PLEKHO2: variants seen among roughly 807,000 people sequenced by gnomAD.
PLEKHO2 encodes the protein pleckstrin homology domain containing O2.
In PLEKHO2, 20 loss-of-function variants were observed where a neutral mutation model predicts 32.7. The observed-to-expected ratio is 0.61, with a 90% CI of 0.43 to 0.89. The LOEUF is 0.89. Ranked by LOEUF, PLEKHO2 falls within the 40% of genes least tolerant of loss-of-function variation. PLEKHO2 has a pLI of 0.00. For missense variants in PLEKHO2, 568 were observed against 621.2 expected, an observed-to-expected ratio of 0.91 and a Z score of 0.91; for synonymous variants, 247 against 246.3, an observed-to-expected ratio of 1.00 and a Z score of -0.03.
intron 2 of PLEKHO2, among the ~76,000 whole-genome samples, chr15:64,851,110 C>G (rs78791842): frequency 6.6e-6 from 1 of 152,164 alleles, no homozygotes; most frequent in South Asian, 2.1e-4. Flanking sequence ...GTTGCTGGCT[C>G]GTGGAGTTTG....
At chr15:64,856,217 G>A (rs2084605337) in intron 3 of PLEKHO2, among the ~76,000 whole-genome samples, 2 of 152,172 alleles carry the variant, frequency 1.3e-5, no homozygotes, top group Admixed American at 6.5e-5. Context: ...ACCCTGTCCT[G>A]GAGACCCACT....
At chr15:64,860,047 T>C in intron 4 of PLEKHO2, 49 bp downstream of exon 4, 3 of 1,537,898 alleles carry the variant, frequency 2.0e-6, no homozygotes, top group Non-Finnish European at 1.8e-6. Context: ...CCTTTCCCAC[T>C]GCGTGTGATC....
At chr15:64,849,893 G>C (rs1344984240) in intron 2 of PLEKHO2, among the ~76,000 whole-genome samples, 1 of 151,358 alleles carries the variant, frequency 6.6e-6, no homozygotes, top group Non-Finnish European at 1.5e-5. Context: ...GGTTGTAGTG[G>C]CTTACACCTA....
chr15:64,849,122 G>A (rs184520233), intron 2 of PLEKHO2, among the ~76,000 whole-genome samples: 64 of 151,826 alleles, frequency 4.2e-4, no homozygotes, highest in African/African-American at 1.4e-3. Flanking sequence ...TGGGACTATA[G>A]GCATGCATGC....
rs2084682946 is a variant in PLEKHO2, at chr15:64,865,909, C to T, written c.*21C>T. On this transcript the variant is annotated 3_prime_UTR_variant, in exon 6 of 6. Transcript: ENST00000323544. ...CCTAGGGCCTTCTGGGCCAGAGGCA[C>T]CATCCCTTCTGGCCATCCATCAAGT... The T allele has an allele frequency of 6.3e-7, 1 of 1,585,184 alleles. No homozygotes were observed. Among genetic ancestry groups the T allele is most frequent in the Non-Finnish European group, 8.6e-7 (1 of 1,169,482 alleles).
intron 1 of PLEKHO2, among the ~76,000 whole-genome samples, chr15:64,842,378 C>G (rs2084490818): frequency 4.4e-5 from 1 of 22,632 alleles, no homozygotes; most frequent in African/African-American, 8.7e-5. Flanking sequence ...GATCCTGACT[C>G]TCTCTCTCTC....
intron 2 of PLEKHO2, among the ~76,000 whole-genome samples, chr15:64,849,367 C>T (rs923975464): frequency 2.6e-5 from 4 of 151,918 alleles, no homozygotes; most frequent in African/African-American, 9.7e-5. Context: ...AGGAGAGTCT[C>T]AATCTCTTGA....
chr15:64,844,935 T>C (rs1314977037), intron 1 of PLEKHO2, among the ~76,000 whole-genome samples: 1 of 152,202 alleles, frequency 6.6e-6, no homozygotes, highest in Non-Finnish European at 1.5e-5. Context: ...AGGGGACTTA[T>C]CTTATACAGC....
rs2084699354 is a variant in PLEKHO2, at chr15:64,867,684, G to C, written c.*1796G>C. On this transcript the variant is annotated 3_prime_UTR_variant, in exon 6 of 6. Coordinates refer to ENST00000323544, the MANE Select transcript of PLEKHO2 (RefSeq NM_025201.5). ...AACTGCAGCAGCTGGACTGAGGGCA[G>C]AGTCTGTGGGTGCAGAGACCCTGCA... The C allele has an allele frequency of 1.3e-5, 2 of 152,296 alleles. No individual in the cohort carries two copies. Among genetic ancestry groups the C allele is most frequent in the African/African-American group, 2.4e-5 (1 of 41,442 alleles). 9.4% of individuals were successfully genotyped at this position (152,296 alleles called of 1,614,324 possible).
At position 64,859,906 on chromosome 15, in the gene PLEKHO2, A is replaced by C; in HGVS notation, c.292A>C (p.Lys98Gln). ...RSPGNKVSDI[K>Q]FQAPTGEEKE... ...ATCTTGCCCACAGGTCAGCGACATCAAATTCCAGGCACCCACCGGGGAGGA... is the reference window on the plus strand; with the variant it reads ...ATCTTGCCCACAGGTCAGCGACATCCAATTCCAGGCACCCACCGGGGAGGA... The change falls in exon 4 of 6, where the codon AAA becomes CAA. Residue 98 changes from lysine (K) to glutamine (Q), a missense_variant. Transcript: ENST00000323544. The C allele has an allele frequency of 1.9e-6, 3 of 1,614,158 alleles. No individual in the cohort carries two copies. The highest frequency in any genetic ancestry group is 1.7e-6 in the Non-Finnish European group (2 of 1,180,002).
At chr15:64,861,048 G>T (rs2084637721) in intron 4 of PLEKHO2, among the ~76,000 whole-genome samples, 1 of 152,244 alleles carries the variant, frequency 6.6e-6, no homozygotes. Flanking sequence ...AGACTCAAGG[G>T]GCAGAGGCCC....
At chr15:64,863,983 T>G (rs1443944171) in intron 5 of PLEKHO2, among the ~76,000 whole-genome samples, 1 of 152,122 alleles carries the variant, frequency 6.6e-6, no homozygotes, top group Non-Finnish European at 1.5e-5. Context: ...CCTCAGGTGA[T>G]CAGCCTGCCT....
At chr15:64,844,910 C>G (rs573685087) in intron 1 of PLEKHO2, among the ~76,000 whole-genome samples, 10 of 152,146 alleles carry the variant, frequency 6.6e-5, no homozygotes, top group South Asian at 2.1e-4. Flanking sequence ...GGAGATTACC[C>G]GCTCCCCACC....
intron 1 of PLEKHO2, among the ~76,000 whole-genome samples, chr15:64,843,467 C>G (rs1017088237): frequency 6.6e-6 from 1 of 152,214 alleles, no homozygotes; most frequent in Non-Finnish European, 1.5e-5. Flanking sequence ...CAGGATTACT[C>G]CATCTCCTGA....
chr15:64,842,351 C>T (rs896939964), intron 1 of PLEKHO2, among the ~76,000 whole-genome samples: 1 of 151,052 alleles, frequency 6.6e-6, no homozygotes, highest in African/African-American at 2.4e-5. Flanking sequence ...GGGCTCGAAC[C>T]CCGATTACCG....
Position 64,859,926 on chromosome 15 carries a change from G to C in PLEKHO2, c.312G>C (p.Gly104=). The change falls in exon 4 of 6, where the codon GGG becomes GGC. Residue 104 remains glycine, a synonymous_variant. Coordinates refer to ENST00000323544, the MANE Select transcript of PLEKHO2 (RefSeq NM_025201.5). ...VSDIKFQAPT[G]EEKESWIKAL... ...ACATCAAATTCCAGGCACCCACCGG[G>C]GAGGAGAAGGAATCCTGGATCAAAG... 4 of 1,614,186 alleles carry C rather than the reference G, an allele frequency of 2.5e-6. No individual in the cohort carries two copies. Among genetic ancestry groups the C allele is most frequent in the Non-Finnish European group, 3.4e-6 (4 of 1,180,036 alleles).
chr15:64,865,290 A>G lies in PLEKHO2; in HGVS notation c.875A>G (p.Gln292Arg). 6.2e-7 allele frequency: 1 copy of G among 1,613,844 alleles called. No individual in the cohort carries two copies. The highest frequency in any genetic ancestry group is 8.5e-7 in the Non-Finnish European group (1 of 1,179,802). Reference sequence around the variant, plus strand: ...GCTGCAGAGAGTGCAGAACCGTCCCAGGCACCCTGTTCTGAGACTTCTGAG... The same window carrying G: ...GCTGCAGAGAGTGCAGAACCGTCCCGGGCACCCTGTTCTGAGACTTCTGAG... ...APAAESAEPS[Q>R]APCSETSEAA... The change falls in exon 6 of 6, where the codon CAG (glutamine) becomes CGG (arginine). Residue 292 changes from glutamine to arginine, a missense_variant. Transcript: ENST00000323544.
rs1233265625 is a variant in PLEKHO2, at chr15:64,866,347, G to A, written c.*459G>A. 4.4e-6 allele frequency: 2 copies of A among 457,298 alleles called. No homozygotes were observed. Among genetic ancestry groups the A allele is most frequent in the South Asian group, 3.1e-5 (2 of 64,572 alleles). 28.3% of individuals were successfully genotyped at this position (457,298 alleles called of 1,614,324 possible). A position where few individuals can be genotyped will look rare whatever the true frequency, so the allele number is the denominator to read the frequency against. On this transcript the variant is annotated 3_prime_UTR_variant, in exon 6 of 6. Coordinates refer to ENST00000323544, the MANE Select transcript of PLEKHO2 (RefSeq NM_025201.5). The stretch of plus-strand genomic sequence containing the variant: ...CTAGGCAAAGAGCCTCATGGCTAAG[G>A]CAGCCTCAAAGCCAGCCCCTCCTCC...
At chr15:64,862,074 G>A (rs1385678453) in intron 5 of PLEKHO2, among the ~76,000 whole-genome samples, 1 of 152,160 alleles carries the variant, frequency 6.6e-6, no homozygotes, top group African/African-American at 2.4e-5. Flanking sequence ...TGTGGAGGGA[G>A]TGCTGTGAGC....
Sources: gnomAD v4.1 joint callset for allele counts (sites outside exome capture counted in the v4.1 genomes callset) on GRCh38, gnomAD v4.1.1 for gene constraint, MANE v1.5 for transcripts, NCBI Gene and HGNC (gene_info 2026-07-23, HGNC 2026-07-21) for gene names.